Variants in FBXO42 observed in about 807,000 individuals in gnomAD.
FBXO42 encodes the protein F-box protein 42.
Under a neutral mutation model 71.7 loss-of-function variants are expected in FBXO42, and 12 were observed. The ratio of observed to expected loss-of-function variants is 0.17; its 90% CI spans 0.11 to 0.27. The LOEUF is 0.27. Ranked by LOEUF, FBXO42 falls within the 10% of genes least tolerant of loss-of-function variation. The probability of loss-of-function intolerance (pLI) is 1.00; values close to 1 mark genes in which losing one functional copy is unlikely to be tolerated. For missense variants in FBXO42, 707 were observed against 911.9 expected, an observed-to-expected ratio of 0.78 and a Z score of 2.89; for synonymous variants, 325 against 327.5, an observed-to-expected ratio of 0.99 and a Z score of 0.08.
chr1:16,307,269 CAGA>C (rs2082261207), intron 2 of FBXO42, among the ~76,000 whole-genome samples: 1 of 152,124 alleles, frequency 6.6e-6, no homozygotes, highest in Non-Finnish European at 1.5e-5. Context: ...GAAGCCAAAG[CAGA>C]AGGATAGCTT....
chr1:16,248,797 A>T lies in FBXO42; in HGVS notation c.*1873T>A, dbSNP rs1271519268. 3 of 152,260 alleles carry T rather than the reference A, an allele frequency of 2.0e-5. No individual in the cohort carries two copies. Among genetic ancestry groups the T allele is most frequent in the Non-Finnish European group, 2.9e-5 (2 of 68,048 alleles). The allele number at this position is 152,260 out of a possible 1,614,324, so 9.4% of individuals were successfully genotyped here. A position where few individuals can be genotyped will look rare whatever the true frequency, so the allele number is the denominator to read the frequency against. Reference sequence around the variant, plus strand: ...AAGCAGTTGGATGCCACATAAGTAGACACATGTTGTTTCCTCATTGAAGGG... The same window carrying T: ...AAGCAGTTGGATGCCACATAAGTAGTCACATGTTGTTTCCTCATTGAAGGG... On this transcript the variant is annotated 3_prime_UTR_variant, in exon 10 of 10. Transcript: ENST00000375592.
chr1:16,333,510 T>C lies in FBXO42; in HGVS notation c.-17-18075A>G, dbSNP rs191521123. On this transcript the variant is annotated intron_variant, in intron 1 of 9. Transcript: ENST00000375592. ...GTGTGCACCTGTAGTCCCAGCTATG[T>C]GGGAGGCTGAGGTGGGAAGATCACC... 6.9e-5 allele frequency among the ~76,000 whole-genome samples: 10 copies of C among 145,304 alleles called. No individual in the cohort carries two copies. In the East Asian group the frequency reaches 2.0e-3, roughly 29 times the overall value.
chr1:16,279,854 C>CTTTTTTTCTTTTT (rs1553151077), intron 4 of FBXO42, among the ~76,000 whole-genome samples: 5 of 138,166 alleles, frequency 3.6e-5, no homozygotes, highest in African/African-American at 1.4e-4. Context: ...TTTTTTTTTT[C>CTTTTTTTCTTTTT]TTTTTTTTTT....
chr1:16,298,300 G>A (rs995556336), intron 3 of FBXO42, among the ~76,000 whole-genome samples: 8 of 152,056 alleles, frequency 5.3e-5, no homozygotes, highest in Non-Finnish European at 1.0e-4. Context: ...ACAAACAAAA[G>A]GACAATTACT....
Position 16,251,652 on chromosome 1 carries a change from G to C in FBXO42, c.1172C>G (p.Ser391Cys), listed in dbSNP as rs775982723. ...ATCCATGCTTCTTACTGGAGACTGA[G>C]AGCGGTACTCTCGGGTTTCAGGAAC... ...ALVPETREYR[S>C]QSPVRSMDEA... is the part of the protein sequence containing the mutation. The change falls in exon 10 of 10, where the codon TCT becomes TGT. Residue 391 changes from serine (S) to cysteine (C), a missense_variant. Transcript: ENST00000375592. This position sits in a 1 kb window ranked among gnomAD's most constrained non-coding sequence, Gnocchi z 4.5. 14 of 1,614,096 alleles carry C rather than the reference G, an allele frequency of 8.7e-6. No individual in the cohort carries two copies. The highest frequency in any genetic ancestry group is 8.3e-5 in the Admixed American group (5 of 60,008).
Position 16,252,148 on chromosome 1 carries a change from G to A in FBXO42, c.1038+140C>T. The A allele has an allele frequency of 1.4e-6, 1 of 705,340 alleles. No homozygotes were observed. The highest frequency in any genetic ancestry group is 2.5e-5 in the East Asian group (1 of 40,178). The allele number at this position is 705,340 out of a possible 1,614,324, so 43.7% of individuals were successfully genotyped here. On this transcript the variant is annotated intron_variant, in intron 9 of 9. Coordinates refer to ENST00000375592, the MANE Select transcript of FBXO42 (RefSeq NM_018994.3). This position sits in a 1 kb window ranked among gnomAD's most constrained non-coding sequence, Gnocchi z 4.4. ...CCATTTAGTGAGAAATGCCAAAGGAGCTATGGCTAATGTTCACCTCTTTTG... is the reference window on the plus strand; with the variant it reads ...CCATTTAGTGAGAAATGCCAAAGGAACTATGGCTAATGTTCACCTCTTTTG...
At position 16,303,203 on chromosome 1, in the gene FBXO42, G is replaced by C. The variant is rs1047326330; in HGVS notation, c.367+2600C>G. ...AAAAGGCAAGCCAGGTCCTTGAAAGGCAGGCAGAATGAAAACTCCTACATG... is the reference window on the plus strand; with the variant it reads ...AAAAGGCAAGCCAGGTCCTTGAAAGCCAGGCAGAATGAAAACTCCTACATG... On this transcript the variant is annotated intron_variant, in intron 3 of 9. Transcript: ENST00000375592. Among the ~76,000 whole-genome samples, 6 of 152,282 alleles carry C rather than the reference G, an allele frequency of 3.9e-5. 1 individual carries two copies. The South Asian group carries it at 1.2e-3, about 32-fold the overall frequency.
chr1:16,297,945 G>A (rs1276204337), intron 3 of FBXO42, among the ~76,000 whole-genome samples: 1 of 151,666 alleles, frequency 6.6e-6, no homozygotes, highest in Non-Finnish European at 1.5e-5. Flanking sequence ...CAAATAACAG[G>A]CTGGGCACAG....
At chr1:16,276,958 T>C (rs1385907775) in intron 4 of FBXO42, among the ~76,000 whole-genome samples, 1 of 152,216 alleles carries the variant, frequency 6.6e-6, no homozygotes, top group Non-Finnish European at 1.5e-5. Context: ...AAAAGTCTCA[T>C]GAGTTTGACC....
chr1:16,275,044 G>A (rs954054754), intron 4 of FBXO42, among the ~76,000 whole-genome samples: 1 of 152,202 alleles, frequency 6.6e-6, no homozygotes, highest in African/African-American at 2.4e-5. Flanking sequence ...TCCATTATTA[G>A]AATTAAAATT....
intron 4 of FBXO42, among the ~76,000 whole-genome samples, chr1:16,264,028 C>T (rs1478031718): frequency 6.6e-6 from 1 of 152,020 alleles, no homozygotes; most frequent in Non-Finnish European, 1.5e-5. Context: ...CCAGGCTGGT[C>T]TCGAACTCCT....
At chr1:16,315,713 T>G (rs2082356776) in intron 1 of FBXO42, among the ~76,000 whole-genome samples, 1 of 152,098 alleles carries the variant, frequency 6.6e-6, no homozygotes, top group Non-Finnish European at 1.5e-5. Flanking sequence ...AAACTTGTTC[T>G]CCAACAATTC....
intron 4 of FBXO42, among the ~76,000 whole-genome samples, chr1:16,272,275 T>C (rs1182008514): frequency 6.6e-6 from 1 of 151,758 alleles, no homozygotes; most frequent in Non-Finnish European, 1.5e-5. Flanking sequence ...TCTCTTTTTT[T>C]TGAGACAGAG....
At chr1:16,311,406 T>G (rs2082310641) in intron 2 of FBXO42, among the ~76,000 whole-genome samples, 1 of 149,074 alleles carries the variant, frequency 6.7e-6, no homozygotes, top group African/African-American at 2.5e-5. Flanking sequence ...GAGGATTGCT[T>G]GAGTCCAGGA....
At chr1:16,334,336 G>A (rs1399164676) in intron 1 of FBXO42, among the ~76,000 whole-genome samples, 1 of 151,260 alleles carries the variant, frequency 6.6e-6, no homozygotes, top group African/African-American at 2.4e-5. Context: ...GGGAGGCTGA[G>A]GCAGGAGAAT....
At chr1:16,348,299 T>C (rs1398523943) in intron 1 of FBXO42, among the ~76,000 whole-genome samples, 1 of 152,124 alleles carries the variant, frequency 6.6e-6, no homozygotes, top group Non-Finnish European at 1.5e-5. Context: ...ACACGCTAAA[T>C]TAATTGTACA....
intron 3 of FBXO42, among the ~76,000 whole-genome samples, chr1:16,305,495 T>C (rs2082240144): frequency 3.3e-5 from 5 of 152,128 alleles, no homozygotes; most frequent in Admixed American, 3.3e-4. Flanking sequence ...GGCAGGCCTA[T>C]TGCTTGAGCT....
At position 16,252,404 on chromosome 1, in the gene FBXO42, G is replaced by C. The variant is rs771327863; in HGVS notation, c.922C>G (p.Leu308Val). Residue 308 changes from leucine (L) to valine (V), a missense_variant and splice_region_variant, in exon 9 of 10, where the codon CTA becomes GTA. Leu to Val is a conservative substitution (Grantham distance 32). Around this residue, in one of 5 missense-constraint regions of FBXO42, gnomAD observed 482 missense variants for 587.1 expected, o/e 0.82. Transcript: ENST00000375592. This position sits in a 1 kb window ranked among gnomAD's most constrained non-coding sequence, Gnocchi z 4.4. ...TGCAACAACCAAGCATCCTTGAATA[G>C]CTGTAAGAGAAAAAACCAATAACAA... The part of the protein sequence containing the change: ...ILGGCGGPNA[L>V]FKDAWLLHMH... The C allele has an allele frequency of 2.5e-6, 4 of 1,612,024 alleles. No homozygotes were observed. The highest frequency in any genetic ancestry group is 2.5e-6 in the Non-Finnish European group (3 of 1,178,414).
intron 3 of FBXO42, among the ~76,000 whole-genome samples, chr1:16,303,000 G>A (rs2082212148): frequency 6.6e-6 from 1 of 152,122 alleles, no homozygotes; most frequent in African/African-American, 2.4e-5. Context: ...CGGGCACACT[G>A]CTTGAGCTCA....
Sources: allele counts gnomAD v4.1 joint callset (sites outside exome capture counted in the v4.1 genomes callset), GRCh38; gene constraint gnomAD v4.1.1; regional missense constraint gnomAD v4.1.1; non-coding constraint Gnocchi (gnomAD v3.1); transcripts MANE v1.5; gene names NCBI Gene and HGNC (gene_info 2026-07-23, HGNC 2026-07-21).